IGSF11: variants seen among roughly 807,000 people sequenced by gnomAD.
The protein encoded by IGSF11 is CXADR like 1.
IGSF11 carries 22 observed loss-of-function variants against 41.0 expected under a neutral mutation model. The ratio of observed to expected loss-of-function variants is 0.54; its 90% CI spans 0.38 to 0.77. The LOEUF is 0.77. Among genes scored for constraint, IGSF11 ranks in the 30% least tolerant of loss-of-function variants. IGSF11 has a pLI of 0.00. For synonymous variants in IGSF11, 219 were observed against 201.3 expected (o/e 1.09, Z -0.74); for missense variants, 444 against 530.8 (o/e 0.84, Z 1.61).
At chr3:119,125,645 G>A (rs954900357) in intron 1 of IGSF11, among the ~76,000 whole-genome samples, 2 of 152,094 alleles carry the variant, frequency 1.3e-5, no homozygotes, top group African/African-American at 2.4e-5. Flanking sequence ...ACCATGGTGC[G>A]GCCAGCTCAG....
chr3:119,069,856 G>A (rs913297367), intron 1 of IGSF11, among the ~76,000 whole-genome samples: 2 of 152,096 alleles, frequency 1.3e-5, no homozygotes, highest in African/African-American at 4.8e-5. Flanking sequence ...CTGTTGTCAT[G>A]GCAATAAAAA....
chr3:119,038,250 A>G (rs1940986450), upstream of IGSF11, among the ~76,000 whole-genome samples: 1 of 152,244 alleles, frequency 6.6e-6, no homozygotes. Context: ...ATGTTGACAT[A>G]AATAGACCAC....
intron 1 of IGSF11, among the ~76,000 whole-genome samples, chr3:119,014,280 G>A (rs546735064): frequency 2.0e-5 from 3 of 152,180 alleles, no homozygotes; most frequent in Non-Finnish European, 4.4e-5. Flanking sequence ...ACCCAGTCTG[G>A]AATACAATGG....
intron 1 of IGSF11, among the ~76,000 whole-genome samples, chr3:118,933,472 A>T (rs917744955): frequency 1.5e-4 from 22 of 145,652 alleles, no homozygotes; most frequent in East Asian, 1.2e-3. Flanking sequence ...TGTATTTTTT[A>T]TATATATATA....
intron 1 of IGSF11, among the ~76,000 whole-genome samples, chr3:118,933,388 A>G (rs968703622): frequency 6.6e-6 from 1 of 151,812 alleles, no homozygotes; most frequent in Non-Finnish European, 1.5e-5. Flanking sequence ...TACCACCACC[A>G]CTACTATTGC....
chr3:119,111,622 G>C (rs780374075), intron 1 of IGSF11, among the ~76,000 whole-genome samples: 15 of 151,330 alleles, frequency 9.9e-5, no homozygotes, highest in East Asian at 2.0e-4. Flanking sequence ...AGCTTTGTTC[G>C]GTTGCTGGTG....
intron 1 of IGSF11, among the ~76,000 whole-genome samples, chr3:119,047,309 A>G (rs2107422976): frequency 6.6e-6 from 1 of 152,286 alleles, no homozygotes; most frequent in East Asian, 1.9e-4. Flanking sequence ...AAGATCTACC[A>G]AGCAAATGGA....
intron 1 of IGSF11, among the ~76,000 whole-genome samples, chr3:119,083,986 G>C (rs1171743671): frequency 2.0e-5 from 3 of 152,290 alleles, no homozygotes; most frequent in African/African-American, 7.2e-5. Context: ...GGACCTTCCA[G>C]TGAGACAAAA....
At chr3:118,926,706 T>G (rs1290399425) in intron 3 of IGSF11, among the ~76,000 whole-genome samples, 1 of 152,206 alleles carries the variant, frequency 6.6e-6, no homozygotes, top group Non-Finnish European at 1.5e-5. Context: ...AAACAAAAAC[T>G]GGGCAGACCC....
intron 1 of IGSF11, among the ~76,000 whole-genome samples, chr3:118,997,014 G>A (rs983230693): frequency 1.6e-4 from 24 of 152,340 alleles, no homozygotes; most frequent in Admixed American, 5.9e-4. Flanking sequence ...AAGATGATGA[G>A]TTTTATTTCA....
chr3:118,916,862 G>A (rs1391782832), intron 4 of IGSF11, among the ~76,000 whole-genome samples: 18 of 151,786 alleles, frequency 1.2e-4, no homozygotes, highest in African/African-American at 2.9e-4. Context: ...TGGAAGTAAA[G>A]CTCTCCTCAG....
At position 118,957,385 on chromosome 3, in the gene IGSF11, A is replaced by G. The variant is rs931619540; in HGVS notation, c.53-27110T>C. Among the ~76,000 whole-genome samples, 5 of 152,356 alleles carry G rather than the reference A, an allele frequency of 3.3e-5. 1 individual carries two copies. Among genetic ancestry groups the G allele is most frequent in the East Asian group, 1.9e-4 (1 of 5,192 alleles). ...CCACTCAAGTTTACACATAAAATTA[A>G]ACAGAGTTAATTATTAATTCAATTT... On this transcript the variant is annotated intron_variant, in intron 1 of 6. Coordinates refer to ENST00000393775, the MANE Select transcript of IGSF11 (RefSeq NM_001015887.3).
chr3:118,986,411 C>A (rs1264780252), intron 1 of IGSF11, among the ~76,000 whole-genome samples: 1 of 152,150 alleles, frequency 6.6e-6, no homozygotes, highest in Non-Finnish European at 1.5e-5. Flanking sequence ...GAATTTTATT[C>A]ATTAAGTGCC....
chr3:119,045,416 C>A lies in IGSF11; in HGVS notation c.49+59728G>T, dbSNP rs543005549. On this transcript the variant is annotated intron_variant, in intron 1 of 6. Transcript: ENST00000354673. ...CCTGGAAAATCGGGTCACTCCCACC[C>A]GAATACTGCGCTTTTGCGACGGGCT... Among the ~76,000 whole-genome samples the A allele has an allele frequency of 3.3e-5, 5 of 152,164 alleles. No homozygotes were observed. The East Asian group carries it at 9.7e-4, about 29-fold the overall frequency.
intron 1 of IGSF11, among the ~76,000 whole-genome samples, chr3:119,051,086 TG>T (rs1222936886): frequency 1.3e-5 from 2 of 151,780 alleles, no homozygotes; most frequent in African/African-American, 4.8e-5. Context: ...GCATGGCACC[TG>T]TATACATATG....
chr3:119,089,162 T>C (rs900404138), intron 1 of IGSF11, among the ~76,000 whole-genome samples: 3 of 152,072 alleles, frequency 2.0e-5, no homozygotes, highest in African/African-American at 4.8e-5. Flanking sequence ...CTCATTAACA[T>C]AGATGCAAAA....
At chr3:119,046,171 A>C (rs1211844517) in intron 1 of IGSF11, among the ~76,000 whole-genome samples, 3 of 150,858 alleles carry the variant, frequency 2.0e-5, no homozygotes, top group Admixed American at 6.6e-5. Flanking sequence ...TGAGAGAAGA[A>C]GGCTTCAGAC....
intron 1 of IGSF11, among the ~76,000 whole-genome samples, chr3:119,115,530 T>C (rs1576820128): frequency 6.6e-6 from 1 of 152,138 alleles, no homozygotes; most frequent in East Asian, 1.9e-4. Flanking sequence ...CATATACCTG[T>C]TTGCCATTTG....
chr3:118,962,373 TA>T (rs896175603), intron 1 of IGSF11, among the ~76,000 whole-genome samples: 5 of 152,252 alleles, frequency 3.3e-5, no homozygotes, highest in African/African-American at 9.6e-5. Context: ...CAGATTTCAA[TA>T]AAAAAATTTT....
Sources: allele counts gnomAD v4.1 joint callset (sites outside exome capture counted in the v4.1 genomes callset), GRCh38; gene constraint gnomAD v4.1.1; transcripts MANE v1.5; gene names NCBI Gene and HGNC (gene_info 2026-07-23, HGNC 2026-07-21).